Variants in EPS8 observed in about 807,000 individuals in gnomAD.
The protein encoded by EPS8 is epidermal growth factor receptor kinase substrate 8.
A neutral mutation model predicts 103.8 loss-of-function variants in EPS8; 42 were observed. That is an observed-to-expected ratio of 0.40 (90% confidence interval 0.32 to 0.52). The LOEUF is 0.52. Ranked by LOEUF, EPS8 falls within the 20% of genes least tolerant of loss-of-function variation. EPS8 has a pLI of 0.40. For missense variants in EPS8, 969 were observed against 1,005.1 expected (o/e 0.96, Z 0.49); for synonymous variants, 344 against 344.6 (o/e 1.00, Z 0.02).
chr12:15,726,949 T>C (rs1176481551), intron 1 of EPS8, among the ~76,000 whole-genome samples: 1 of 152,222 alleles, frequency 6.6e-6, no homozygotes, highest in Non-Finnish European at 1.5e-5. Flanking sequence ...CTGAAAGTTA[T>C]GAGTTGGAAA....
At chr12:15,705,110 C>T (rs1946367352) in intron 1 of EPS8, among the ~76,000 whole-genome samples, 2 of 152,274 alleles carry the variant, frequency 1.3e-5, no homozygotes, top group South Asian at 4.1e-4. Flanking sequence ...GCTCGCTGGT[C>T]TAGTTTTATA....
chr12:15,635,107 G>T (rs1413134582), intron 17 of EPS8, among the ~76,000 whole-genome samples: 1 of 152,110 alleles, frequency 6.6e-6, no homozygotes, highest in Non-Finnish European at 1.5e-5. Context: ...ACATGTAAGA[G>T]TTATTCTTGT....
intron 1 of EPS8, among the ~76,000 whole-genome samples, chr12:15,758,323 A>C (rs1947008491): frequency 6.6e-6 from 1 of 152,210 alleles, no homozygotes; most frequent in Non-Finnish European, 1.5e-5. Flanking sequence ...ATGAAGAAAC[A>C]AGACAAATCT....
chr12:15,754,077 A>G (rs1946960374), intron 1 of EPS8, among the ~76,000 whole-genome samples: 2 of 152,304 alleles, frequency 1.3e-5, no homozygotes, highest in Non-Finnish European at 1.5e-5. Context: ...TGTGCCTCCA[A>G]CTGGGCATCA....
intron 14 of EPS8, 28 bp downstream of exon 14, chr12:15,650,793 TAC>T: frequency 6.4e-7 from 1 of 1,554,506 alleles, no homozygotes; most frequent in East Asian, 2.2e-5. Flanking sequence ...TTACACTGTC[TAC>T]AGAGGGCAAT....
intron 13 of EPS8, 94 bp from the exon 14 acceptor site, chr12:15,651,100 A>G (rs1373128473): frequency 1.9e-5 from 18 of 949,614 alleles, no homozygotes; most frequent in African/African-American, 4.9e-5. Flanking sequence ...ACACACGCAC[A>G]CACACATAAA....
In EPS8 at chr12:15,704,603, G is replaced by T. The variant is rs1946359253; in HGVS notation, c.-21-21631C>A. Reference sequence around the variant, plus strand: ...TGGAGAATGGGTAGTTATTGTTTTGGGGCACAGAGATTCCATTCAGGAAGA... The same window carrying T: ...TGGAGAATGGGTAGTTATTGTTTTGTGGCACAGAGATTCCATTCAGGAAGA... On this transcript the variant is annotated intron_variant, in intron 1 of 20. Transcript: ENST00000281172. The surrounding 1 kb of genome is among the most constrained non-coding windows in gnomAD (Gnocchi z 4.6). Among the ~76,000 whole-genome samples, 1 of 152,116 alleles carries T rather than the reference G, an allele frequency of 6.6e-6. No homozygotes were observed. Among genetic ancestry groups the T allele is most frequent in the African/African-American group, 2.4e-5 (1 of 41,418 alleles).
At chr12:15,641,205 T>A (rs1305310461) in intron 16 of EPS8, among the ~76,000 whole-genome samples, 1 of 152,128 alleles carries the variant, frequency 6.6e-6, no homozygotes, top group South Asian at 2.1e-4. Context: ...TAAAAATTAC[T>A]TTTTTTCCTT....
At position 15,658,496 on chromosome 12, in the gene EPS8, C is replaced by T. The variant is rs78816311; in HGVS notation, c.1026+1G>A. On this transcript the variant is annotated splice_donor_variant, in intron 11 of 20. Transcript: ENST00000281172. LOFTEE classifies it high-confidence loss of function. The stretch of plus-strand genomic sequence containing the variant: ...ATTCTATATACATAAATTTCACTTA[C>T]CAGAAGGTTAAATCCGTGTTTAAAC... The T allele has an allele frequency of 6.3e-7, 1 of 1,587,470 alleles. No homozygotes were observed. Among genetic ancestry groups the T allele is most frequent in the Non-Finnish European group, 8.6e-7 (1 of 1,156,386 alleles).
In EPS8 at chr12:15,623,658, T is replaced by C. The variant is rs1944897322; in HGVS notation, c.2226-371A>G. 2.6e-5 allele frequency among the ~76,000 whole-genome samples: 4 copies of C among 152,208 alleles called. No individual in the cohort carries two copies. In the South Asian group the frequency reaches 8.3e-4, roughly 32 times the overall value. ...TCATGCTGGGTAGGTGAGTTTATAA[T>C]ATGTCAAGGTCCCTTGAATATGTAT... On this transcript the variant is annotated intron_variant, in intron 19 of 20. Transcript: ENST00000281172.
At chr12:15,672,962 G>C (rs543065402) in intron 3 of EPS8, among the ~76,000 whole-genome samples, 2 of 152,102 alleles carry the variant, frequency 1.3e-5, no homozygotes, top group African/African-American at 4.8e-5. Flanking sequence ...TAATTTATTG[G>C]CAAATACAAC....
chr12:15,775,965 G>A lies in EPS8; in HGVS notation c.-22+13196C>T, dbSNP rs181792972. Reference sequence around the variant, plus strand: ...AGCAAAATTCCTATCTCATATATGCGTATCACAAGAAAGAACACTGGAAAA... The same window carrying A: ...AGCAAAATTCCTATCTCATATATGCATATCACAAGAAAGAACACTGGAAAA... On this transcript the variant is annotated intron_variant, in intron 1 of 20. Transcript: ENST00000281172. 5.3e-3 allele frequency among the ~76,000 whole-genome samples: 810 copies of A among 152,164 alleles called. 4 individuals are homozygous for A. The highest frequency in any genetic ancestry group is 0.012 in the Admixed American group (188 of 15,270).
At chr12:15,705,040 G>A (rs1946366233) in intron 1 of EPS8, among the ~76,000 whole-genome samples, 1 of 152,068 alleles carries the variant, frequency 6.6e-6, no homozygotes, top group Non-Finnish European at 1.5e-5. Context: ...TAAAGATCAA[G>A]AAACACAATC....
intron 3 of EPS8, among the ~76,000 whole-genome samples, chr12:15,676,711 G>A (rs544402340): frequency 1.3e-5 from 2 of 152,276 alleles, no homozygotes; most frequent in Non-Finnish European, 2.9e-5. Flanking sequence ...GATAACAGTA[G>A]CTAAGTAAAA....
intron 1 of EPS8, among the ~76,000 whole-genome samples, chr12:15,740,387 A>C: frequency 6.6e-6 from 1 of 151,944 alleles, no homozygotes. Flanking sequence ...TCTACTAAAA[A>C]TACAAAAATT....
chr12:15,708,963 C>G (rs1262964022), intron 1 of EPS8, among the ~76,000 whole-genome samples: 2 of 152,212 alleles, frequency 1.3e-5, no homozygotes, highest in African/African-American at 4.8e-5. Context: ...ATTGTTTCAT[C>G]AGCTTTCCCT....
rs1946251015 is a variant in EPS8 at position 15,696,920 on chromosome 12, T to C, written c.-21-13948A>G. 6.6e-6 allele frequency among the ~76,000 whole-genome samples: 1 copy of C among 152,204 alleles called. No individual in the cohort carries two copies. The highest frequency in any genetic ancestry group is 2.1e-4 in the South Asian group (1 of 4,826). On this transcript the variant is annotated intron_variant, in intron 1 of 20. Transcript: ENST00000281172. This position sits in a 1 kb window ranked among gnomAD's most constrained non-coding sequence, Gnocchi z 4.8. ...GGAGAGTGACCAAAGAACCTTCATG[T>C]TCCCGGATCACATTATATAGATTTT... is the stretch of plus-strand genomic sequence containing the variant.
rs1947245909 is a variant in EPS8, at chr12:15,780,209, T to A, written c.-22+8952A>T. 1 of 152,106 alleles carries A rather than the reference T, an allele frequency of 6.6e-6. No individual in the cohort carries two copies. Among genetic ancestry groups the A allele is most frequent in the Non-Finnish European group, 1.5e-5 (1 of 68,038 alleles). The allele number at this position is 152,106 out of a possible 1,614,324, so 9.4% of individuals were successfully genotyped here. On this transcript the variant is annotated intron_variant, in intron 1 of 20. Coordinates refer to ENST00000281172, the MANE Select transcript of EPS8 (RefSeq NM_004447.6). This position sits in a 1 kb window ranked among gnomAD's most constrained non-coding sequence, Gnocchi z 4.1. ...AATGAATACTCTATTGTATTGTTAC[T>A]TACAAAAATGAAAAATAACTGCTCA...
intron 1 of EPS8, among the ~76,000 whole-genome samples, chr12:15,774,904 C>A (rs1947192870): frequency 6.6e-6 from 1 of 151,794 alleles, no homozygotes; most frequent in Middle Eastern, 3.2e-3. Context: ...TATTTAAAAG[C>A]AATTCTTGAC....
Sources: gnomAD v4.1 joint callset for allele counts (sites outside exome capture counted in the v4.1 genomes callset) on GRCh38, gnomAD v4.1.1 for gene constraint, Gnocchi (gnomAD v3.1) non-coding constraint, MANE v1.5 for transcripts, NCBI Gene and HGNC (gene_info 2026-07-23, HGNC 2026-07-21) for gene names.